Variants in LPP observed in about 807,000 individuals in gnomAD.
LPP encodes lipoma-preferred partner.
A neutral mutation model predicts 60.4 loss-of-function variants in LPP; 38 were observed. The ratio of observed to expected loss-of-function variants is 0.63; its 90% CI spans 0.49 to 0.83. LPP has a LOEUF of 0.83. Among genes scored for constraint, LPP ranks in the 40% least tolerant of loss-of-function variants. The pLI, the probability that LPP is intolerant of heterozygous loss-of-function variation, is 0.00. For synonymous variants in LPP, 328 were observed against 290.8 expected (o/e 1.13, Z -1.30); for missense variants, 902 against 783.6 (o/e 1.15, Z -1.80).
chr3:188,749,101 A>G (rs1422992008), intron 8 of LPP, among the ~76,000 whole-genome samples: 2 of 152,168 alleles, frequency 1.3e-5, no homozygotes, highest in African/African-American at 4.8e-5. Flanking sequence ...CTGGAGTCAT[A>G]CAGAAGCCAT....
At chr3:188,306,829 T>A (rs946361240) in intron 2 of LPP, among the ~76,000 whole-genome samples, 14 of 152,226 alleles carry the variant, frequency 9.2e-5, no homozygotes, top group African/African-American at 3.4e-4. Flanking sequence ...CTCATTCAAG[T>A]ATTTTTAAAG....
chr3:188,484,443 T>C, intron 4 of LPP, 149 bp from the exon 5 acceptor site: 1 of 591,726 alleles, frequency 1.7e-6, no homozygotes, highest in Non-Finnish European at 3.0e-6. Context: ...TTAAGGCTAC[T>C]AATTAAACTA....
In LPP at chr3:188,769,986, T is replaced by C. The variant is rs1284783228; in HGVS notation, c.1410+9704T>C. Among the ~76,000 whole-genome samples, 3 of 152,148 alleles carry C rather than the reference T, an allele frequency of 2.0e-5. No homozygotes were observed. The South Asian group carries it at 6.2e-4, about 32-fold the overall frequency. ...CACTCAATGTTTGCCAGAGTTTGGA[T>C]GAATGTCAGCATCAGGCTACTGTAA... On this transcript the variant is annotated intron_variant, in intron 9 of 11. Coordinates refer to ENST00000617246, the MANE Select transcript of LPP (RefSeq NM_001375462.1).
chr3:188,560,712 A>G (rs927555210), intron 6 of LPP, among the ~76,000 whole-genome samples: 2 of 152,058 alleles, frequency 1.3e-5, no homozygotes, highest in African/African-American at 2.4e-5. Context: ...TTCAAAGTCT[A>G]TGTGTTCTTG....
chr3:188,516,150 G>T (rs560850549), intron 5 of LPP, among the ~76,000 whole-genome samples: 2 of 152,252 alleles, frequency 1.3e-5, no homozygotes, highest in Non-Finnish European at 1.5e-5. Context: ...CCTGGAGAAG[G>T]GTACATTTGG....
intron 6 of LPP, among the ~76,000 whole-genome samples, chr3:188,552,942 A>G (rs1488770603): frequency 6.6e-6 from 1 of 152,128 alleles, no homozygotes; most frequent in East Asian, 1.9e-4. Context: ...GTTTTTAGGA[A>G]AGTAGATAAG....
At chr3:188,469,720 C>T (rs1801340691) in intron 4 of LPP, among the ~76,000 whole-genome samples, 1 of 151,952 alleles carries the variant, frequency 6.6e-6, no homozygotes, top group Non-Finnish European at 1.5e-5. Context: ...TTTCTTTTAC[C>T]CCTAACTCTT....
chr3:188,337,431 G>A (rs1480942489), intron 2 of LPP, among the ~76,000 whole-genome samples: 1 of 152,206 alleles, frequency 6.6e-6, no homozygotes, highest in Non-Finnish European at 1.5e-5. Context: ...TGTTCAAGGT[G>A]TTGATGGGGC....
At chr3:188,176,408 G>C (rs918541002) in intron 1 of LPP, among the ~76,000 whole-genome samples, 2 of 152,056 alleles carry the variant, frequency 1.3e-5, no homozygotes, top group African/African-American at 4.8e-5. Flanking sequence ...CACACACACT[G>C]TCAGGTCAGG....
intron 2 of LPP, among the ~76,000 whole-genome samples, chr3:188,228,182 T>G (rs1027922099): frequency 6.6e-6 from 1 of 152,134 alleles, no homozygotes; most frequent in African/African-American, 2.4e-5. Context: ...CCAAGAAGTG[T>G]TACGGGAATG....
At chr3:188,343,190 G>A (rs765255510) in intron 3 of LPP, among the ~76,000 whole-genome samples, 2 of 151,976 alleles carry the variant, frequency 1.3e-5, no homozygotes, top group Admixed American at 6.6e-5. Flanking sequence ...AACGGGCCCC[G>A]ATGTGTGATG....
At chr3:188,687,775 C>CTCTTTTTTTTTT (rs1360104383) in intron 7 of LPP, among the ~76,000 whole-genome samples, 1 of 127,124 alleles carries the variant, frequency 7.9e-6, no homozygotes, top group Non-Finnish European at 1.6e-5. Flanking sequence ...GTCTTATACT[C>CTCTTTTTTTTTT]TTTTTTTTTT....
At chr3:188,578,505 T>TTATTATAA (rs1835293594) in intron 6 of LPP, among the ~76,000 whole-genome samples, 1 of 152,218 alleles carries the variant, frequency 6.6e-6, no homozygotes, top group Non-Finnish European at 1.5e-5. Context: ...CTAGTTTTAG[T>TTATTATAA]TATTATAATA....
At chr3:188,516,599 CT>C (rs1162726432) in intron 5 of LPP, among the ~76,000 whole-genome samples, 2 of 144,110 alleles carry the variant, frequency 1.4e-5, no homozygotes, top group Non-Finnish European at 3.0e-5. Context: ...CTTACTCCCC[CT>C]GCCCCACACA....
chr3:188,408,131 G>A (rs1413070026), intron 4 of LPP, among the ~76,000 whole-genome samples: 1 of 152,042 alleles, frequency 6.6e-6, no homozygotes, highest in Non-Finnish European at 1.5e-5. Flanking sequence ...CTTACTAGGG[G>A]CATTGTTATT....
chr3:188,349,613 C>A (rs1301209787), intron 3 of LPP, among the ~76,000 whole-genome samples: 1 of 152,212 alleles, frequency 6.6e-6, no homozygotes, highest in South Asian at 2.1e-4. Flanking sequence ...TCGGTATAAA[C>A]CTTTGCTGTA....
At chr3:188,397,530 G>T (rs1229923239) in intron 3 of LPP, among the ~76,000 whole-genome samples, 1 of 152,058 alleles carries the variant, frequency 6.6e-6, no homozygotes, top group African/African-American at 2.4e-5. Flanking sequence ...TCCCTGTCAG[G>T]GTTGATTGTT....
intron 8 of LPP, chr3:188,712,123 C>T (rs1042690887): frequency 4.6e-5 from 7 of 152,240 alleles, no homozygotes; most frequent in Admixed American, 4.6e-4. Context: ...CTATAATGAG[C>T]CCTTGCACAT....
chr3:188,299,018 T>C (rs953657144), intron 2 of LPP, among the ~76,000 whole-genome samples: 1 of 152,128 alleles, frequency 6.6e-6, no homozygotes, highest in Non-Finnish European at 1.5e-5. Flanking sequence ...ATACACACAC[T>C]CTCTCTCTAA....
Sources: allele counts gnomAD v4.1 joint callset (sites outside exome capture counted in the v4.1 genomes callset), GRCh38; gene constraint gnomAD v4.1.1; transcripts MANE v1.5; gene names NCBI Gene and HGNC (gene_info 2026-07-23, HGNC 2026-07-21).